PLPPR1: variants seen among roughly 807,000 people sequenced by gnomAD.
The protein encoded by PLPPR1 is phospholipid phosphatase-related protein type 1.
A neutral mutation model predicts 33.1 loss-of-function variants in PLPPR1; 10 were observed. That is an observed-to-expected ratio of 0.30 (90% CI 0.19 to 0.51). The LOEUF (loss-of-function observed/expected upper bound fraction) is 0.51, where lower values mean the gene tolerates loss of function less well. Ranked by LOEUF, PLPPR1 falls within the 20% of genes least tolerant of loss-of-function variation. PLPPR1 has a pLI of 0.97. For missense variants in PLPPR1, 304 were observed against 408.1 expected (o/e 0.74, Z 2.20); for synonymous variants, 151 against 151.0 (o/e 1.00, Z 0.00).
At chr9:101,256,043 G>T (rs1025568970) in intron 2 of PLPPR1, among the ~76,000 whole-genome samples, 4 of 152,090 alleles carry the variant, frequency 2.6e-5, no homozygotes, top group Non-Finnish European at 5.9e-5. Context: ...GTGTTCCATT[G>T]CTAACCCATT....
At position 101,060,798 on chromosome 9, in the gene PLPPR1, G is replaced by A. The variant is rs112218874; in HGVS notation, c.-46+31696G>A. On this transcript the variant is annotated intron_variant, in intron 1 of 7. Transcript: ENST00000374874. ...ATATATAACTTATTCCAGTGATGAT[G>A]CCATTTATTAAAACACTTTCAAAAT... Among the ~76,000 whole-genome samples the A allele has an allele frequency of 1.2e-3, 175 of 151,942 alleles. 1 individual carries two copies. Among genetic ancestry groups the A allele is most frequent in the African/African-American group, 4.0e-3 (167 of 41,478 alleles).
chr9:101,041,336 C>T lies in PLPPR1; in HGVS notation c.-46+12234C>T, dbSNP rs190575119. Among the ~76,000 whole-genome samples, 6 of 152,096 alleles carry T rather than the reference C, an allele frequency of 3.9e-5. No homozygotes were observed. In the East Asian group the frequency reaches 1.2e-3, roughly 29 times the overall value. On this transcript the variant is annotated intron_variant, in intron 1 of 7. Transcript: ENST00000374874. The stretch of plus-strand genomic sequence containing the variant: ...GGAAGAAGATGAAATTAAGTGGTAC[C>T]CATAGAAATACAACTCCATTTTATA...
intron 6 of PLPPR1, among the ~76,000 whole-genome samples, chr9:101,313,774 ACAT>A (rs1343275215): frequency 6.6e-6 from 1 of 152,206 alleles, no homozygotes; most frequent in East Asian, 1.9e-4. Context: ...AATAAATGAC[ACAT>A]CAAGTATACA....
At chr9:101,203,513 A>G (rs939899421) in intron 2 of PLPPR1, among the ~76,000 whole-genome samples, 1 of 152,100 alleles carries the variant, frequency 6.6e-6, no homozygotes, top group Non-Finnish European at 1.5e-5. Context: ...CATCTGTAAA[A>G]TGTACATATT....
chr9:101,079,261 C>G (rs1026219870), intron 1 of PLPPR1, among the ~76,000 whole-genome samples: 9 of 152,192 alleles, frequency 5.9e-5, no homozygotes, highest in Non-Finnish European at 1.2e-4. Context: ...TCTCCCTTTG[C>G]TGTCATCCTG....
intron 4 of PLPPR1, among the ~76,000 whole-genome samples, chr9:101,291,568 G>A (rs1032482845): frequency 1.8e-4 from 28 of 152,264 alleles, no homozygotes; most frequent in African/African-American, 2.6e-4. Flanking sequence ...CACCTCACAC[G>A]GCCGGGTACT....
chr9:101,135,568 G>T (rs1831368638), intron 1 of PLPPR1, among the ~76,000 whole-genome samples: 1 of 152,110 alleles, frequency 6.6e-6, no homozygotes, highest in African/African-American at 2.4e-5. Flanking sequence ...CCACTTAAAT[G>T]AGGCTCTCAG....
intron 1 of PLPPR1, among the ~76,000 whole-genome samples, chr9:101,059,864 T>G (rs989801816): frequency 5.9e-5 from 9 of 152,062 alleles, no homozygotes; most frequent in African/African-American, 2.2e-4. Flanking sequence ...ACACCATTAA[T>G]GAGAATGTAA....
Position 101,074,956 on chromosome 9 carries a change from C to A in PLPPR1, c.-46+45854C>A, listed in dbSNP as rs1227139484. ...CCAAGCAAAAGAAATTAAGGGAGAT[C>A]ACTTACTGTGAGCCACAGAATTTGA... On this transcript the variant is annotated intron_variant, in intron 1 of 7. Coordinates refer to ENST00000374874, the MANE Select transcript of PLPPR1 (RefSeq NM_207299.2). Among the ~76,000 whole-genome samples the A allele has an allele frequency of 2.6e-5, 4 of 152,108 alleles. No individual in the cohort carries two copies. The South Asian group carries it at 8.3e-4, about 31-fold the overall frequency.
intron 2 of PLPPR1, among the ~76,000 whole-genome samples, chr9:101,192,898 T>C (rs928145908): frequency 1.3e-5 from 2 of 152,198 alleles, no homozygotes; most frequent in Non-Finnish European, 2.9e-5. Context: ...TAAACATCAT[T>C]TGACTAGTGT....
At chr9:101,111,567 A>G (rs1008749141) in intron 1 of PLPPR1, among the ~76,000 whole-genome samples, 2 of 152,192 alleles carry the variant, frequency 1.3e-5, no homozygotes, top group African/African-American at 2.4e-5. Flanking sequence ...TAAATTATCA[A>G]TGCAATTTGG....
At chr9:101,321,089 T>A (rs77977564) in intron 7 of PLPPR1, among the ~76,000 whole-genome samples, 1 of 152,242 alleles carries the variant, frequency 6.6e-6, no homozygotes, top group African/African-American at 2.4e-5. Flanking sequence ...CCATGGTTTC[T>A]GTTAGAAACG....
At chr9:101,208,823 G>T (rs1366404882) in intron 2 of PLPPR1, among the ~76,000 whole-genome samples, 1 of 152,118 alleles carries the variant, frequency 6.6e-6, no homozygotes, top group Non-Finnish European at 1.5e-5. Flanking sequence ...GATCATACTG[G>T]CCACTTCCAC....
intron 1 of PLPPR1, among the ~76,000 whole-genome samples, chr9:101,067,324 A>C (rs775167982): frequency 2.0e-5 from 3 of 152,052 alleles, no homozygotes; most frequent in South Asian, 4.2e-4. Flanking sequence ...GGTCTGCTTT[A>C]GGATAGGATT....
intron 1 of PLPPR1, among the ~76,000 whole-genome samples, chr9:101,159,951 C>T (rs1389114518): frequency 6.6e-6 from 1 of 152,068 alleles, no homozygotes; most frequent in Non-Finnish European, 1.5e-5. Context: ...ATTTATTTTG[C>T]TTTTTGTGAC....
chr9:101,101,018 C>A (rs1830891728), intron 1 of PLPPR1, among the ~76,000 whole-genome samples: 1 of 152,046 alleles, frequency 6.6e-6, no homozygotes, highest in Admixed American at 6.5e-5. Context: ...GTAAATTAAG[C>A]CTTAAGAAAT....
chr9:101,294,928 A>T (rs1828593008), intron 4 of PLPPR1, among the ~76,000 whole-genome samples: 1 of 151,918 alleles, frequency 6.6e-6, no homozygotes, highest in Non-Finnish European at 1.5e-5. Context: ...CCTATTCGAC[A>T]TAGTGTTGGA....
At chr9:101,231,185 T>C (rs549792177) in intron 2 of PLPPR1, among the ~76,000 whole-genome samples, 1 of 152,016 alleles carries the variant, frequency 6.6e-6, no homozygotes, top group South Asian at 2.1e-4. Context: ...ACTTTCACTG[T>C]ATCCCTTCCT....
chr9:101,101,528 A>G (rs1830899123), intron 1 of PLPPR1, among the ~76,000 whole-genome samples: 1 of 143,970 alleles, frequency 6.9e-6, no homozygotes, highest in Non-Finnish European at 1.5e-5. Context: ...AATGGAAAAA[A>G]AAAAAAAGAA....
Sources: gnomAD v4.1 joint callset for allele counts (sites outside exome capture counted in the v4.1 genomes callset) on GRCh38, gnomAD v4.1.1 for gene constraint, MANE v1.5 for transcripts, NCBI Gene and HGNC (gene_info 2026-07-23, HGNC 2026-07-21) for gene names.